CADM2: variants seen among roughly 807,000 people sequenced by gnomAD.
CADM2 encodes immunoglobulin superfamily member 4D.
A neutral mutation model predicts 49.8 loss-of-function variants in CADM2; 12 were observed. The observed-to-expected ratio is 0.24, with a 90% confidence interval of 0.15 to 0.39. The LOEUF (loss-of-function observed/expected upper bound fraction) is 0.39. Ranked by LOEUF, CADM2 falls within the 10% of genes least tolerant of loss-of-function variation. The probability of loss-of-function intolerance (pLI) is 1.00; values close to 1 mark genes in which losing one functional copy is unlikely to be tolerated. For synonymous variants in CADM2, 214 were observed against 175.4 expected, an observed-to-expected ratio of 1.22 and a Z score of -1.74; for missense variants, 378 against 492.3, an observed-to-expected ratio of 0.77 and a Z score of 2.20.
Position 85,813,529 on chromosome 3 carries a change from G to A in CADM2, c.238+11333G>A, listed in dbSNP as rs539623616. Among the ~76,000 whole-genome samples the A allele has an allele frequency of 1.1e-3, 163 of 152,292 alleles. 1 individual carries two copies. The highest frequency in any genetic ancestry group is 3.7e-3 in the African/African-American group (152 of 41,566). On this transcript the variant is annotated intron_variant, in intron 3 of 9. Coordinates refer to ENST00000383699, the MANE Select transcript of CADM2 (RefSeq NM_001167675.2). ...TTATAGTTTCTTTTGCTGTGCAGAA[G>A]TTCTTTAGTTTAATTAGATCCCCTT...
intron 1 of CADM2, among the ~76,000 whole-genome samples, chr3:85,069,140 T>C (rs571696112): frequency 6.6e-6 from 1 of 152,024 alleles, no homozygotes; most frequent in African/African-American, 2.4e-5. Context: ...TAAATTACTG[T>C]GGGCAAAACT....
chr3:85,607,127 A>G (rs1010484637), intron 1 of CADM2, among the ~76,000 whole-genome samples: 8 of 152,158 alleles, frequency 5.3e-5, no homozygotes, highest in African/African-American at 1.9e-4. Flanking sequence ...TTTAAAAAAG[A>G]GAAAAAAAAT....
chr3:85,112,161 G>T (rs1042360356), intron 1 of CADM2, among the ~76,000 whole-genome samples: 25 of 151,848 alleles, frequency 1.6e-4, no homozygotes, highest in African/African-American at 5.8e-4. Context: ...AGCATAGAGT[G>T]ATAACATACC....
chr3:85,730,937 C>T (rs1435130697), intron 2 of CADM2, among the ~76,000 whole-genome samples: 4 of 151,920 alleles, frequency 2.6e-5, no homozygotes, highest in Admixed American at 2.0e-4. Context: ...ATTCAGTGCT[C>T]AAATAAAAAT....
chr3:85,484,188 A>G (rs1017867263), intron 1 of CADM2, among the ~76,000 whole-genome samples: 1 of 151,914 alleles, frequency 6.6e-6, no homozygotes. Flanking sequence ...ATGCTTGAGC[A>G]ATACCCTTTG....
At chr3:85,524,364 C>T (rs541683223) in intron 1 of CADM2, among the ~76,000 whole-genome samples, 2 of 152,132 alleles carry the variant, frequency 1.3e-5, no homozygotes, top group South Asian at 4.2e-4. Context: ...TAACTCCATT[C>T]CTAAGTACTG....
intron 2 of CADM2, among the ~76,000 whole-genome samples, chr3:85,766,881 G>T (rs576223954): frequency 4.6e-5 from 7 of 152,052 alleles, no homozygotes; most frequent in African/African-American, 1.7e-4. Context: ...TCTTAATCAT[G>T]TGCTGAAATC....
chr3:85,692,038 A>G (rs1478916876), intron 1 of CADM2, among the ~76,000 whole-genome samples: 1 of 152,200 alleles, frequency 6.6e-6, no homozygotes, highest in Admixed American at 6.5e-5. Flanking sequence ...TGACGAGTTA[A>G]TGGGTGCAGC....
intron 1 of CADM2, among the ~76,000 whole-genome samples, chr3:85,390,064 T>A (rs2034444711): frequency 6.6e-6 from 1 of 152,104 alleles, no homozygotes; most frequent in South Asian, 2.1e-4. Flanking sequence ...AAAAGAATTA[T>A]ATAAATATGA....
chr3:85,334,253 G>T (rs1420037147), intron 1 of CADM2, among the ~76,000 whole-genome samples: 4 of 151,448 alleles, frequency 2.6e-5, no homozygotes, highest in African/African-American at 9.7e-5. Context: ...ACTGCCTCAG[G>T]TAGTTGGGTC....
chr3:85,167,815 A>G (rs572057368), intron 1 of CADM2, among the ~76,000 whole-genome samples: 1 of 152,196 alleles, frequency 6.6e-6, no homozygotes, highest in Non-Finnish European at 1.5e-5. Context: ...GAGAGAATGC[A>G]TAAAATTATC....
chr3:85,544,558 CAGAT>C (rs1458631746), intron 1 of CADM2, among the ~76,000 whole-genome samples: 1 of 151,680 alleles, frequency 6.6e-6, no homozygotes, highest in South Asian at 2.1e-4. Context: ...GCCTGGGCGA[CAGAT>C]AAAGACTCCG....
chr3:85,506,148 G>A (rs1025104649), intron 1 of CADM2, among the ~76,000 whole-genome samples: 3 of 152,156 alleles, frequency 2.0e-5, no homozygotes, highest in Non-Finnish European at 4.4e-5. Context: ...ATTATTTGGT[G>A]CCTATTGTTT....
At chr3:85,096,133 C>T (rs894356035) in intron 1 of CADM2, among the ~76,000 whole-genome samples, 13 of 151,726 alleles carry the variant, frequency 8.6e-5, no homozygotes, top group Admixed American at 2.0e-4. Flanking sequence ...TTCTACAATA[C>T]CAGGTAAATA....
At chr3:85,550,386 A>G (rs1043585627) in intron 1 of CADM2, among the ~76,000 whole-genome samples, 4 of 152,186 alleles carry the variant, frequency 2.6e-5, no homozygotes, top group African/African-American at 9.7e-5. Flanking sequence ...ATAGTTCTCA[A>G]TGTGTGGTCC....
At chr3:85,182,069 A>G (rs1217361879) in intron 1 of CADM2, among the ~76,000 whole-genome samples, 2 of 151,772 alleles carry the variant, frequency 1.3e-5, no homozygotes, top group Non-Finnish European at 2.9e-5. Flanking sequence ...CATTAAAGTT[A>G]CATTGCATCT....
At chr3:85,024,778 T>C (rs2034654808) in intron 1 of CADM2, among the ~76,000 whole-genome samples, 1 of 151,966 alleles carries the variant, frequency 6.6e-6, no homozygotes. Context: ...AGGAAGCAAG[T>C]TCTGAATTTG....
intron 1 of CADM2, among the ~76,000 whole-genome samples, chr3:85,571,039 C>T (rs1254851323): frequency 2.0e-5 from 3 of 152,134 alleles, no homozygotes; most frequent in Admixed American, 6.5e-5. Flanking sequence ...AGTGTGGGCT[C>T]ATAAGTGAAG....
chr3:85,680,746 A>G (rs2066017955), intron 1 of CADM2, among the ~76,000 whole-genome samples: 1 of 152,162 alleles, frequency 6.6e-6, no homozygotes, highest in South Asian at 2.1e-4. Flanking sequence ...TTCTTTCTCC[A>G]TTCTCTTGAT....
Sources: gnomAD v4.1 joint callset for allele counts (sites outside exome capture counted in the v4.1 genomes callset) on GRCh38, gnomAD v4.1.1 for gene constraint, MANE v1.5 for transcripts, NCBI Gene and HGNC (gene_info 2026-07-23, HGNC 2026-07-21) for gene names.